The following RANBP2 variants were observed in gnomAD, a reference collection of about 807,000 sequenced individuals.
RANBP2 encodes the protein E3 SUMO-protein ligase RanBP2.
RANBP2 carries 57 observed loss-of-function variants against 303.6 expected under a neutral mutation model. That is an observed-to-expected ratio of 0.19 (90% CI 0.15 to 0.23). The LOEUF is 0.23. Among genes scored for constraint, RANBP2 ranks in the 10% least tolerant of loss-of-function variants. The pLI is 1.00. For synonymous variants in RANBP2, 1,167 were observed against 1,301.5 expected, an observed-to-expected ratio of 0.90 and a Z score of 2.23; for missense variants, 3,138 against 3,780.8, an observed-to-expected ratio of 0.83 and a Z score of 4.46.
chr2:108,774,545 GA>G (rs1677739241), intron 23 of RANBP2, among the ~76,000 whole-genome samples: 5 of 152,172 alleles, frequency 3.3e-5, no homozygotes, highest in African/African-American at 1.2e-4. Flanking sequence ...TTCTGGAAGA[GA>G]CTTGGTTGTT....
At chr2:109,590,253 T>C in the RANBP2 span, among the ~76,000 whole-genome samples, 4 of 151,926 alleles carry the variant, frequency 2.6e-5, no homozygotes, top group African/African-American at 7.3e-5. Context: ...AATTCTCAGA[T>C]GGTCGCTAAC....
At chr2:109,115,404 T>C in the RANBP2 span, among the ~76,000 whole-genome samples, 16 of 152,350 alleles carry the variant, frequency 1.1e-4, no homozygotes, top group African/African-American at 3.8e-4. Flanking sequence ...TTGTCTCTTT[T>C]GATCTTTGTT....
chr2:109,336,960 T>C, the RANBP2 span, among the ~76,000 whole-genome samples: 1 of 152,188 alleles, frequency 6.6e-6, no homozygotes, highest in Non-Finnish European at 1.5e-5. Context: ...GGGCAGCAAA[T>C]TGCAGAATTA....
chr2:109,121,120 C>T, the RANBP2 span, among the ~76,000 whole-genome samples: 8 of 152,174 alleles, frequency 5.3e-5, no homozygotes, highest in African/African-American at 4.8e-5. Flanking sequence ...AGGTGGCAGG[C>T]GCCTGTAGTC....
the RANBP2 span, chr2:108,794,742 C>T: frequency 4.0e-5 from 60 of 1,514,000 alleles, no homozygotes; most frequent in Non-Finnish European, 5.0e-5. Context: ...AATACTGAAT[C>T]GAGAATTCAG....
At chr2:109,496,232 C>A in the RANBP2 span, among the ~76,000 whole-genome samples, 2 of 152,132 alleles carry the variant, frequency 1.3e-5, no homozygotes, top group South Asian at 4.1e-4. Context: ...CTGATTGGCG[C>A]GTTTTACAGA....
chr2:109,287,735 C>A, the RANBP2 span, among the ~76,000 whole-genome samples: 1 of 152,224 alleles, frequency 6.6e-6, no homozygotes, highest in African/African-American at 2.4e-5. Context: ...CAGAGCTCTT[C>A]TCTGTGGCCT....
chr2:108,949,876 A>G, the RANBP2 span, among the ~76,000 whole-genome samples: 2 of 152,266 alleles, frequency 1.3e-5, no homozygotes, highest in South Asian at 4.1e-4. Context: ...CCTCCGAGTA[A>G]TATGTCCCTT....
chr2:108,906,517 A>G, the RANBP2 span: 2 of 838,986 alleles, frequency 2.4e-6, no homozygotes, highest in Non-Finnish European at 4.0e-6. Context: ...CAGCCCTGAC[A>G]CACAGGGAGG....
At chr2:109,296,345 A>C in the RANBP2 span, among the ~76,000 whole-genome samples, 1 of 151,942 alleles carries the variant, frequency 6.6e-6, no homozygotes, top group Non-Finnish European at 1.5e-5. Context: ...CTCCTGCCTC[A>C]GCCTCCCGAG....
chr2:108,756,749 T>C (rs1251116335), intron 17 of RANBP2, among the ~76,000 whole-genome samples: 2 of 152,230 alleles, frequency 1.3e-5, no homozygotes, highest in Non-Finnish European at 2.9e-5. Flanking sequence ...GGCCAGTCAC[T>C]TCCATTGTGA....
chr2:109,676,967 C>G, the RANBP2 span, among the ~76,000 whole-genome samples: 3 of 151,576 alleles, frequency 2.0e-5, no homozygotes, highest in Admixed American at 2.0e-4. Context: ...ATTTTTTTTT[C>G]CGAAGCTGGA....
chr2:109,264,169 G>C, the RANBP2 span, among the ~76,000 whole-genome samples: 981 of 123,772 alleles, frequency 7.9e-3, no homozygotes, highest in Middle Eastern at 0.051. Flanking sequence ...CACCTCCCCA[G>C]GATCCACCCC....
Position 108,764,936 on chromosome 2 carries a change from A to T in RANBP2, c.4397A>T (p.Lys1466Ile), listed in dbSNP as rs1466943544. The change falls in exon 20 of 29, where the codon AAA becomes ATA. Residue 1466 changes from lysine to isoleucine, a missense_variant. Transcript: ENST00000283195. ...SFKFGQGDLP[K>I]PINSDFRSVF... is the part of the protein sequence containing the mutation. ...AAATTTGGCCAGGGAGATCTTCCTA[A>T]ACCTATTAACAGTGATTTCAGATCT... The T allele has an allele frequency of 1.2e-6, 2 of 1,614,066 alleles. No homozygotes were observed. The highest frequency in any genetic ancestry group is 1.7e-6 in the Non-Finnish European group (2 of 1,179,980).
At position 108,783,906 on chromosome 2, in the gene RANBP2, ATTG is replaced by A. The variant is rs781720101; in HGVS notation, c.*11_*13del. 4.4e-6 allele frequency: 7 copies of A among 1,603,786 alleles called. No homozygotes were observed. Among genetic ancestry groups the A allele is most frequent in the Non-Finnish European group, 3.4e-6 (4 of 1,171,106 alleles). On this transcript the variant is annotated 3_prime_UTR_variant, in exon 29 of 29. Transcript: ENST00000283195. ...ACAGAATGTGGACAGATATAAAATCATTGTTGTTCATAGAAAATTTCATCTGTA... is the reference window on the plus strand; with the variant it reads ...ACAGAATGTGGACAGATATAAAATCATTGTTCATAGAAAATTTCATCTGTA...
chr2:109,454,974 T>A, the RANBP2 span, among the ~76,000 whole-genome samples: 2 of 152,130 alleles, frequency 1.3e-5, no homozygotes, highest in Non-Finnish European at 2.9e-5. Context: ...TTAGTTTCAG[T>A]GAGTAATAGA....
At chr2:108,746,255 C>T (rs529778225) in intron 7 of RANBP2, among the ~76,000 whole-genome samples, 6 of 141,502 alleles carry the variant, frequency 4.2e-5, no homozygotes, top group Non-Finnish European at 7.5e-5. Context: ...CTCTTTCACC[C>T]AGGCTGGAGT....
At chr2:109,453,695 A>G in the RANBP2 span, among the ~76,000 whole-genome samples, 5 of 152,200 alleles carry the variant, frequency 3.3e-5, no homozygotes, top group Non-Finnish European at 7.3e-5. Flanking sequence ...GGAAAGGTCA[A>G]CCCTGGCCTG....
At chr2:109,325,165 A>G in the RANBP2 span, among the ~76,000 whole-genome samples, 1 of 151,974 alleles carries the variant, frequency 6.6e-6, no homozygotes, top group Non-Finnish European at 1.5e-5. Context: ...GAAACAACTC[A>G]CTGGTCTTTA....
Sources: allele counts gnomAD v4.1 joint callset (sites outside exome capture counted in the v4.1 genomes callset), GRCh38; gene constraint gnomAD v4.1.1; transcripts MANE v1.5; gene names NCBI Gene and HGNC (gene_info 2026-07-23, HGNC 2026-07-21).